BMP8B: variants seen among roughly 807,000 people sequenced by gnomAD.
The protein encoded by BMP8B is bone morphogenetic protein 8b.
BMP8B carries 17 observed loss-of-function variants against 30.3 expected under a neutral mutation model. That is an observed-to-expected ratio of 0.56 (90% CI 0.38 to 0.84). The LOEUF is 0.84. Ranked by LOEUF, BMP8B falls within the 40% of genes least tolerant of loss-of-function variation. The pLI, the probability that BMP8B is intolerant of heterozygous loss-of-function variation, is 0.00. For synonymous variants in BMP8B, 131 were observed against 214.7 expected, an observed-to-expected ratio of 0.61 and a Z score of 3.41; for missense variants, 253 against 494.6, an observed-to-expected ratio of 0.51 and a Z score of 4.63.
intron 1 of BMP8B, among the ~76,000 whole-genome samples, chr1:39,778,877 C>T (rs935070877): frequency 6.6e-6 from 1 of 151,520 alleles, no homozygotes; most frequent in African/African-American, 2.4e-5. Context: ...TGCACCTCCC[C>T]ACCCTGTGCC....
Position 39,788,600 on chromosome 1 carries a change from CGGCGGGGCGG to C in BMP8B, c.-125_-116del, listed in dbSNP as rs1318451615. 3 of 842,014 alleles carry C rather than the reference CGGCGGGGCGG, an allele frequency of 3.6e-6. No individual in the cohort carries two copies. The highest frequency in any genetic ancestry group is 6.3e-5 in the Admixed American group (1 of 15,850). The allele number at this position is 842,014 out of a possible 1,614,324, so 52.2% of individuals were successfully genotyped here. A position where few individuals can be genotyped will look rare whatever the true frequency, so the allele number is the denominator to read the frequency against. On this transcript the variant is annotated 5_prime_UTR_variant, in exon 1 of 7. Coordinates refer to ENST00000372827, the MANE Select transcript of BMP8B (RefSeq NM_001720.5). This position sits in a 1 kb window ranked among gnomAD's most constrained non-coding sequence, Gnocchi z 5.8. ...GAGGCTGGGCTCGGCGGGCGGCGGGCGGCGGGGCGGGGCGGGACGGGCGGCGACCGCGGCC... is the reference window on the plus strand; with the variant it reads ...GAGGCTGGGCTCGGCGGGCGGCGGGCGGCGGGACGGGCGGCGACCGCGGCC...
intron 1 of BMP8B, among the ~76,000 whole-genome samples, chr1:39,779,427 G>C (rs1202259892): frequency 6.6e-6 from 1 of 152,194 alleles, no homozygotes; most frequent in African/African-American, 2.4e-5. Context: ...GTCACACTTG[G>C]TCCCTATTCT....
chr1:39,761,447 C>T (rs570027), intron 6 of BMP8B: 15,789 of 152,118 alleles, frequency 0.1, 1,018 homozygotes, highest in Admixed American at 0.15. Flanking sequence ...ATCCCAGCCT[C>T]CCCCAGCAGC....
intron 1 of BMP8B, among the ~76,000 whole-genome samples, chr1:39,778,595 C>T (rs1247237847): frequency 2.0e-5 from 3 of 152,052 alleles, no homozygotes; most frequent in African/African-American, 7.2e-5. Context: ...GCTTCAAGGG[C>T]TGTTTCCATA....
At position 39,760,186 on chromosome 1, in the gene BMP8B, C is replaced by T. The variant is rs1049144867; in HGVS notation, c.*233G>A. Reference sequence around the variant, plus strand: ...GAGGCGTTTGCATTTGGGTAGAACACTGCCTGATGATTGAGACCACCTGGG... The same window carrying T: ...GAGGCGTTTGCATTTGGGTAGAACATTGCCTGATGATTGAGACCACCTGGG... On this transcript the variant is annotated 3_prime_UTR_variant, in exon 7 of 7. Coordinates refer to ENST00000372827, the MANE Select transcript of BMP8B (RefSeq NM_001720.5). 1 of 710,814 alleles carries T rather than the reference C, an allele frequency of 1.4e-6. No homozygotes were observed. The highest frequency in any genetic ancestry group is 2.3e-6 in the Non-Finnish European group (1 of 443,862). The allele number at this position is 710,814 out of a possible 1,614,324, so 44.0% of individuals were successfully genotyped here. A position where few individuals can be genotyped will look rare whatever the true frequency, so the allele number is the denominator to read the frequency against.
chr1:39,762,424 G>C, intron 6 of BMP8B: 1 of 1,438,054 alleles, frequency 7.0e-7, no homozygotes, highest in East Asian at 2.5e-5. Context: ...AGTTCTAGAA[G>C]GAAGCCTCGG....
chr1:39,776,557 A>G (rs1230046080), intron 1 of BMP8B, among the ~76,000 whole-genome samples: 1 of 152,090 alleles, frequency 6.6e-6, no homozygotes, highest in East Asian at 1.9e-4. Context: ...TGGTCCGGCC[A>G]TGGGCAGGCG....
At position 39,788,226 on chromosome 1, in the gene BMP8B, T is replaced by C. The variant is rs528396993; in HGVS notation, c.260A>G (p.Asp87Gly). The C allele has an allele frequency of 3.5e-4, 556 of 1,570,670 alleles. 3 individuals carry two copies. The South Asian group carries it at 6.0e-3, about 17-fold the overall frequency. ...CGCGGGCGCGCCGTCCTCGTCGTCGTCGCCGGCCATGGCGTGGTACAGGTC... is the reference window on the plus strand; with the variant it reads ...CGCGGGCGCGCCGTCCTCGTCGTCGCCGCCGGCCATGGCGTGGTACAGGTC... ...MLDLYHAMAG[D>G]DDEDGAPAER... is the part of the protein sequence containing the mutation. The change falls in exon 1 of 7, where the codon GAC becomes GGC. Residue 87 changes from aspartate (D) to glycine (G), a missense_variant. Physicochemically the swap from Asp to Gly is moderately conservative, Grantham distance 94. This residue lies in a region of BMP8B where 52 missense variants were observed against 68.3 expected (regional missense o/e 0.76). Transcript: ENST00000372827. The surrounding 1 kb of genome is among the most constrained non-coding windows in gnomAD (Gnocchi z 5.8).
rs1187451086 is a variant in BMP8B at position 39,788,172 on chromosome 1, A to C, written c.314T>G (p.Val105Gly). 4 of 1,574,116 alleles carry C rather than the reference A, an allele frequency of 2.5e-6. No individual in the cohort carries two copies. The highest frequency in any genetic ancestry group is 3.4e-6 in the Non-Finnish European group (4 of 1,170,090). The change falls in exon 1 of 7, where the codon GTC (valine) becomes GGC (glycine). Residue 105 changes from valine (V) to glycine (G), a missense_variant. Transcript: ENST00000372827. The surrounding 1 kb of genome is among the most constrained non-coding windows in gnomAD (Gnocchi z 5.8). The part of the protein sequence containing the change: ...AERRLGRADL[V>G]MSFVNMVERD... Reference sequence around the variant, plus strand: ...CTCACCCATGTTAACGAAGCTCATGACCAGGTCGGCGCGGCCCAGGCGCCG... The same window carrying C: ...CTCACCCATGTTAACGAAGCTCATGCCCAGGTCGGCGCGGCCCAGGCGCCG...
chr1:39,776,547 T>C (rs1569840118), intron 1 of BMP8B, among the ~76,000 whole-genome samples: 1 of 152,288 alleles, frequency 6.6e-6, no homozygotes, highest in East Asian at 1.9e-4. Flanking sequence ...GGTGGGGACC[T>C]GGTCCGGCCA....
Position 39,788,322 on chromosome 1 carries a change from G to A in BMP8B, c.164C>T (p.Pro55Leu), listed in dbSNP as rs1569878394. 1 of 1,232,740 alleles carries A rather than the reference G, an allele frequency of 8.1e-7. No individual in the cohort carries two copies. The highest frequency in any genetic ancestry group is 3.6e-5 in the East Asian group (1 of 27,830). The allele number at this position is 1,232,740 out of a possible 1,614,324, so 76.4% of individuals were successfully genotyped here. ...TGGCGCGCGGGGCCGGGGCCGCCCA[G>A]GCAGCCCGAGCACCGCCAGGATCTC... Reference protein sequence around the residue: ...QREILAVLGLPGRPRPRAPPA... With the variant: ...QREILAVLGLLGRPRPRAPPA... The change falls in exon 1 of 7, where the codon CCT (proline) becomes CTT (leucine). Residue 55 changes from proline (P) to leucine (L), a missense_variant. Pro to Leu is a moderately conservative substitution (Grantham distance 98). Around this residue, in one of 7 missense-constraint regions of BMP8B, gnomAD observed 54 missense variants for 70.8 expected, o/e 0.76. Coordinates refer to ENST00000372827, the MANE Select transcript of BMP8B (RefSeq NM_001720.5). The surrounding 1 kb of genome is among the most constrained non-coding windows in gnomAD (Gnocchi z 5.8).
chr1:39,760,208 T>A lies in BMP8B; in HGVS notation c.*211A>T. 3 of 816,668 alleles carry A rather than the reference T, an allele frequency of 3.7e-6. No homozygotes were observed. The highest frequency in any genetic ancestry group is 1.7e-5 in the African/African-American group (1 of 57,770). The allele number at this position is 816,668 out of a possible 1,614,324, so 50.6% of individuals were successfully genotyped here. A position where few individuals can be genotyped will look rare whatever the true frequency, so the allele number is the denominator to read the frequency against. On this transcript the variant is annotated 3_prime_UTR_variant, in exon 7 of 7. Transcript: ENST00000372827. ...ACACTGCCTGATGATTGAGACCACCTGGGCTGGAAACAGGACAGTCACACA... is the reference window on the plus strand; with the variant it reads ...ACACTGCCTGATGATTGAGACCACCAGGGCTGGAAACAGGACAGTCACACA...
chr1:39,787,645 C>T (rs1651075974), intron 1 of BMP8B, among the ~76,000 whole-genome samples: 3 of 152,092 alleles, frequency 2.0e-5, no homozygotes, highest in African/African-American at 4.8e-5. Context: ...CCCCAGCCGC[C>T]CCCCTGACAG....
At chr1:39,775,646 GGCAGAGGGCCAGA>G (rs1650175208) in intron 1 of BMP8B, among the ~76,000 whole-genome samples, 1 of 152,216 alleles carries the variant, frequency 6.6e-6, no homozygotes, top group Non-Finnish European at 1.5e-5. Context: ...GGCCAGCCAA[GGCAGAGGGCCAGA>G]GCAGAGGGGT....
At chr1:39,775,739 G>C (rs1440290378) in intron 1 of BMP8B, among the ~76,000 whole-genome samples, 1 of 152,260 alleles carries the variant, frequency 6.6e-6, no homozygotes, top group African/African-American at 2.4e-5. Context: ...TTCCTTTCTG[G>C]AACAAGCTGG....
Position 39,760,232 on chromosome 1 carries a change from C to T in BMP8B, c.*187G>A, listed in dbSNP as rs1569755951. The T allele has an allele frequency of 9.7e-7, 1 of 1,033,394 alleles. No individual in the cohort carries two copies. The highest frequency in any genetic ancestry group is 2.6e-5 in the East Asian group (1 of 37,964). The allele number at this position is 1,033,394 out of a possible 1,614,324, so 64.0% of individuals were successfully genotyped here. On this transcript the variant is annotated 3_prime_UTR_variant, in exon 7 of 7. Coordinates refer to ENST00000372827, the MANE Select transcript of BMP8B (RefSeq NM_001720.5). ...CTGGGCTGGAAACAGGACAGTCACA[C>T]AAATGCCTGGCAGGGCAAGGGGAGC...
chr1:39,777,739 A>C (rs1488073294), intron 1 of BMP8B, among the ~76,000 whole-genome samples: 2 of 146,674 alleles, frequency 1.4e-5, no homozygotes, highest in African/African-American at 2.6e-5. Flanking sequence ...GACCCATCCC[A>C]CCTCCCCTCA....
intron 1 of BMP8B, among the ~76,000 whole-genome samples, chr1:39,782,459 C>T (rs1569859552): frequency 6.6e-6 from 1 of 151,274 alleles, no homozygotes; most frequent in South Asian, 2.1e-4. Flanking sequence ...CAGACACTTG[C>T]TTTGTTTTTG....
intron 1 of BMP8B, among the ~76,000 whole-genome samples, chr1:39,782,659 G>A (rs1650727338): frequency 1.3e-5 from 2 of 151,922 alleles, no homozygotes; most frequent in African/African-American, 2.4e-5. Context: ...GTAGAGACGG[G>A]GTTTCACCAT....
Sources: allele counts gnomAD v4.1 joint callset (sites outside exome capture counted in the v4.1 genomes callset), GRCh38; gene constraint gnomAD v4.1.1; regional missense constraint gnomAD v4.1.1; non-coding constraint Gnocchi (gnomAD v3.1); transcripts MANE v1.5; gene names NCBI Gene and HGNC (gene_info 2026-07-23, HGNC 2026-07-21).